The following PSG1 variants were observed in gnomAD, a reference collection of about 807,000 sequenced individuals.
PSG1 encodes the protein pregnancy specific beta-1-glycoprotein 1.
Under a neutral mutation model 41.4 loss-of-function variants are expected in PSG1, and 60 were observed. The observed-to-expected ratio is 1.45, with a 90% confidence interval of 1.18 to 1.80. PSG1 has a LOEUF of 1.80. Ranked by LOEUF, PSG1 falls within the 40% of genes most tolerant of loss-of-function variation. The pLI, the probability that PSG1 is intolerant of heterozygous loss-of-function variation, is 0.00. For missense variants in PSG1, 806 were observed against 516.9 expected (o/e 1.56, Z -5.42); for synonymous variants, 256 against 192.9 (o/e 1.33, Z -2.71).
intron 1 of PSG1, 137 bp downstream of exon 1, chr19:42,879,381 T>A: frequency 2.2e-6 from 3 of 1,360,192 alleles, no homozygotes; most frequent in Non-Finnish European, 3.1e-6. Flanking sequence ...CTTGAACTTC[T>A]GATCTCATGA....
Position 42,879,658 on chromosome 19 carries a change from T to A in PSG1, c.-77A>T. 1.3e-6 allele frequency: 2 copies of A among 1,567,120 alleles called. No homozygotes were observed. The highest frequency in any genetic ancestry group is 1.7e-6 in the Non-Finnish European group (2 of 1,146,924). On this transcript the variant is annotated 5_prime_UTR_variant, in exon 1 of 6. Transcript: ENST00000436291. ...AAACTCTCTGAGCACGGCTGTCAGCTGTGCTGTCCTTCCTCTTTCTGTGCT... is the reference window on the plus strand; with the variant it reads ...AAACTCTCTGAGCACGGCTGTCAGCAGTGCTGTCCTTCCTCTTTCTGTGCT...
At position 42,877,969 on chromosome 19, in the gene PSG1, A is replaced by T. The variant is rs200148263; in HGVS notation, c.374T>A (p.Ile125Lys). The change falls in exon 2 of 6, where the codon ATA (isoleucine) becomes AAA (lysine). Residue 125 changes from isoleucine (I) to lysine (K), a missense_variant. By Grantham distance (102) the Ile-to-Lys change is moderately radical (BLOSUM62 -3). Coordinates refer to ENST00000436291, the MANE Select transcript of PSG1 (RefSeq NM_001184825.2). ...TCCTCTAGTCCCATCATCTCCCTTTATGATGTGTAAGGTGTAGGATCCTGC... is the reference window on the plus strand; with the variant it reads ...TCCTCTAGTCCCATCATCTCCCTTTTTGATGTGTAAGGTGTAGGATCCTGC... ...EDAGSYTLHI[I>K]KGDDGTRGVT... The T allele has an allele frequency of 1.9e-5, 30 of 1,612,286 alleles. No homozygotes were observed. In the East Asian group the frequency reaches 6.5e-4, roughly 35 times the overall value.
chr19:42,873,235 G>A (rs970670945), intron 2 of PSG1, among the ~76,000 whole-genome samples: 1 of 151,634 alleles, frequency 6.6e-6, no homozygotes, highest in Non-Finnish European at 1.5e-5. Context: ...TGTTTTGGAT[G>A]TCTAATTATT....
chr19:42,878,005 G>T lies in PSG1; in HGVS notation c.338C>A (p.Thr113Asn), dbSNP rs1177231626. ...GGTGTAGGATCCTGCGTCCTCCCGG[G>T]TGACATTCTGGATCAGCAGGGATGC... ...SNASLLIQNVTREDAGSYTLH... is the reference protein window; with the variant it reads ...SNASLLIQNVNREDAGSYTLH... Residue 113 changes from threonine (T) to asparagine (N), a missense_variant, in exon 2 of 6, where the codon ACC (threonine) becomes AAC (asparagine). Thr to Asn is a moderately conservative substitution (Grantham distance 65, BLOSUM62 0). Transcript: ENST00000436291. 4 of 1,612,438 alleles carry T rather than the reference G, an allele frequency of 2.5e-6. No individual in the cohort carries two copies. The highest frequency in any genetic ancestry group is 3.4e-6 in the Non-Finnish European group (4 of 1,179,172).
intron 4 of PSG1, 31 bp downstream of exon 4, chr19:42,868,725 C>G: frequency 6.2e-7 from 1 of 1,608,960 alleles, no homozygotes; most frequent in South Asian, 1.1e-5. Flanking sequence ...AAGCTGGTGT[C>G]CTGGCCCACA....
chr19:42,868,222 T>A lies in PSG1; in HGVS notation c.1122A>T (p.Leu374=). Residue 374 remains leucine (L), a synonymous_variant, in exon 5 of 6, where the codon CTA becomes CTT. Coordinates refer to ENST00000436291, the MANE Select transcript of PSG1 (RefSeq NM_001184825.2). ...YSWTINEKFQ[L]PGQKLFIRHI... is the part of the protein sequence containing the mutation. ...GGCGGATAAAGAGCTTTTGTCCTGG[T>A]AGCTGAAACTTTTCATTAATTGTCC... is the stretch of plus-strand genomic sequence containing the variant. 2.5e-6 allele frequency: 4 copies of A among 1,612,430 alleles called. No homozygotes were observed. Among genetic ancestry groups the A allele is most frequent in the Non-Finnish European group, 3.4e-6 (4 of 1,179,156 alleles).
At position 42,871,933 on chromosome 19, in the gene PSG1, C is replaced by T. The variant is rs778330172; in HGVS notation, c.543G>A (p.Trp181Ter). ...PETPDASYLW[W>*]MNGQSLPMTH... The stretch of plus-strand genomic sequence containing the variant: ...TCATAGGGAGGCTCTGACCATTCAT[C>T]CACCACAGGTAGCTTGCGTCTGGAG... Residue 181 changes from tryptophan to a stop codon, truncating the protein, a stop_gained, in exon 3 of 6, where the codon TGG (tryptophan) becomes TGA (stop). Coordinates refer to ENST00000436291, the MANE Select transcript of PSG1 (RefSeq NM_001184825.2). LOFTEE classifies it high-confidence loss of function. 18 of 1,612,342 alleles carry T rather than the reference C, an allele frequency of 1.1e-5. No individual in the cohort carries two copies. The African/African-American group carries it at 1.5e-4, about 13-fold the overall frequency.
At chr19:42,870,744 C>G (rs567854510) in intron 3 of PSG1, 13 of 151,730 alleles carry the variant, frequency 8.6e-5, no homozygotes, top group South Asian at 2.1e-4. Flanking sequence ...AATGAAATGT[C>G]TTTCCATATA....
chr19:42,876,169 G>C (rs1355601790), intron 2 of PSG1, among the ~76,000 whole-genome samples: 1 of 151,596 alleles, frequency 6.6e-6, no homozygotes, highest in East Asian at 1.9e-4. Context: ...AAGCTGTGCA[G>C]GACAGGGCTT....
rs941995790 is a variant in PSG1, at chr19:42,869,286, G to A, written c.710-252C>T. 5.7e-5 allele frequency: 46 copies of A among 804,782 alleles called. No homozygotes were observed. The African/African-American group carries it at 7.6e-4, about 13-fold the overall frequency. The allele number at this position is 804,782 out of a possible 1,614,324, so 49.9% of individuals were successfully genotyped here. On this transcript the variant is annotated intron_variant, in intron 3 of 5. Transcript: ENST00000436291. The stretch of plus-strand genomic sequence containing the variant: ...GAGCAGCAGTGTTGGGTCATGGACA[G>A]ACACGTCAGTGGGAGTCACAGCCCC...
intron 2 of PSG1, among the ~76,000 whole-genome samples, chr19:42,873,888 C>G (rs981409079): frequency 1.8e-4 from 27 of 151,736 alleles, no homozygotes; most frequent in African/African-American, 6.0e-4. Flanking sequence ...TTCATTTTCT[C>G]TTAAGCTCAG....
intron 2 of PSG1, among the ~76,000 whole-genome samples, chr19:42,872,774 C>T (rs1243147049): frequency 1.3e-5 from 2 of 151,740 alleles, no homozygotes; most frequent in Non-Finnish European, 2.9e-5. Context: ...TCTTCTGGGT[C>T]CATGATGCTC....
intron 3 of PSG1, 60 bp downstream of exon 3, chr19:42,871,707 C>G: frequency 6.2e-7 from 1 of 1,612,432 alleles, no homozygotes; most frequent in Non-Finnish European, 8.5e-7. Context: ...AGAGGCCTGG[C>G]CTCTGGCCAC....
chr19:42,868,971 A>C lies in PSG1; in HGVS notation c.773T>G (p.Leu258Ter), dbSNP rs780867943. Residue 258 changes from leucine (L) to a stop codon, truncating the protein, a stop_gained, in exon 4 of 6, where the codon TTA (leucine) becomes TGA (stop). Transcript: ENST00000436291. LOFTEE classifies it high-confidence loss of function. ...ACTCTTAGGTTCACAGGTGAAGTTTAAGACATCCTTATTCTCCCTGGGGTT... is the reference window on the plus strand; with the variant it reads ...ACTCTTAGGTTCACAGGTGAAGTTTCAGACATCCTTATTCTCCCTGGGGTT... ...NLNPRENKDV[L>*]NFTCEPKSEN... is the part of the protein sequence containing the mutation. The C allele has an allele frequency of 4.0e-5, 64 of 1,610,498 alleles. 4 individuals are homozygous for C. In the South Asian group the frequency reaches 6.7e-4, roughly 17 times the overall value.
intron 3 of PSG1, 146 bp from the exon 4 acceptor site, chr19:42,869,180 T>C: frequency 2.7e-6 from 4 of 1,487,132 alleles, no homozygotes; most frequent in Non-Finnish European, 3.6e-6. Flanking sequence ...ACAAGATAGA[T>C]GCATGATGAT....
At chr19:42,876,070 T>A (rs778663121) in intron 2 of PSG1, among the ~76,000 whole-genome samples, 1 of 149,912 alleles carries the variant, frequency 6.7e-6, no homozygotes, top group African/African-American at 2.5e-5. Context: ...TCCTGGGAGG[T>A]GGGCCAGGCC....
intron 2 of PSG1, among the ~76,000 whole-genome samples, chr19:42,875,917 G>C (rs1454975849): frequency 1.4e-5 from 2 of 142,350 alleles, no homozygotes; most frequent in Non-Finnish European, 3.0e-5. Context: ...CCATGGTCTT[G>C]TCCACAGGTC....
chr19:42,872,761 C>T (rs1335054571), intron 2 of PSG1, among the ~76,000 whole-genome samples: 2 of 151,770 alleles, frequency 1.3e-5, no homozygotes, highest in South Asian at 2.1e-4. Flanking sequence ...AGACCATGTT[C>T]TCTCTTCTGG....
intron 2 of PSG1, among the ~76,000 whole-genome samples, chr19:42,872,757 T>C (rs1185404257): frequency 1.3e-5 from 2 of 151,714 alleles, no homozygotes; most frequent in African/African-American, 4.8e-5. Flanking sequence ...ACCAAGACCA[T>C]GTTCTCTCTT....
Sources: allele counts gnomAD v4.1 joint callset (sites outside exome capture counted in the v4.1 genomes callset), GRCh38; gene constraint gnomAD v4.1.1; transcripts MANE v1.5; gene names NCBI Gene and HGNC (gene_info 2026-07-23, HGNC 2026-07-21).